The following PSD3 variants were observed in gnomAD, a reference collection of about 807,000 sequenced individuals.
PSD3 encodes the protein PH and SEC7 domain-containing protein 3.
A neutral mutation model predicts 105.5 loss-of-function variants in PSD3; 49 were observed. The ratio of observed to expected loss-of-function variants is 0.46; its 90% CI spans 0.37 to 0.59. The LOEUF is 0.59. Among genes scored for constraint, PSD3 ranks in the 20% least tolerant of loss-of-function variants. PSD3 has a pLI of 0.00. For synonymous variants in PSD3, 557 were observed against 457.8 expected (o/e 1.22, Z -2.77); for missense variants, 1,561 against 1,263.8 (o/e 1.24, Z -3.57).
intron 4 of PSD3, among the ~76,000 whole-genome samples, chr8:18,810,248 G>A (rs1358874010): frequency 3.3e-5 from 5 of 152,062 alleles, no homozygotes; most frequent in Admixed American, 6.6e-5. Context: ...CACAAGGGGC[G>A]GCTGAAGGTA....
intron 1 of PSD3, among the ~76,000 whole-genome samples, chr8:18,939,090 A>G (rs1055367331): frequency 6.6e-6 from 1 of 152,238 alleles, no homozygotes; most frequent in African/African-American, 2.4e-5. Context: ...GATGCCATCT[A>G]TACAGCAAAA....
intron 11 of PSD3, among the ~76,000 whole-genome samples, chr8:18,630,635 T>G (rs937086136): frequency 6.6e-6 from 1 of 151,994 alleles, no homozygotes; most frequent in African/African-American, 2.4e-5. Flanking sequence ...CTTCCCCTTT[T>G]TGACTTTTCT....
chr8:18,900,190 C>T (rs1018993311), intron 2 of PSD3, among the ~76,000 whole-genome samples: 1 of 152,150 alleles, frequency 6.6e-6, no homozygotes, highest in African/African-American at 2.4e-5. Context: ...GCATTACATT[C>T]TCCAAGTTTA....
chr8:18,676,494 CATA>C (rs1800070742), intron 9 of PSD3, among the ~76,000 whole-genome samples: 1 of 152,212 alleles, frequency 6.6e-6, no homozygotes, highest in African/African-American at 2.4e-5. Flanking sequence ...TCTCTGCTCT[CATA>C]ATGTTTAAAT....
At chr8:19,074,770 A>G (rs1453628924) in intron 1 of PSD3, among the ~76,000 whole-genome samples, 2 of 150,320 alleles carry the variant, frequency 1.3e-5, no homozygotes, top group African/African-American at 2.4e-5. Flanking sequence ...ACAAGCGCCC[A>G]CCACCACACC....
chr8:18,860,113 G>A (rs1816327687), intron 4 of PSD3, among the ~76,000 whole-genome samples: 1 of 152,058 alleles, frequency 6.6e-6, no homozygotes, highest in South Asian at 2.1e-4. Context: ...TTATTAACTG[G>A]CATAATCTCA....
At chr8:19,020,866 T>C (rs937493192) in intron 1 of PSD3, among the ~76,000 whole-genome samples, 3 of 152,176 alleles carry the variant, frequency 2.0e-5, no homozygotes, top group Non-Finnish European at 4.4e-5. Context: ...GGGAAGACTG[T>C]GGAAGTAACA....
intron 4 of PSD3, among the ~76,000 whole-genome samples, chr8:18,846,642 C>T (rs1314846489): frequency 1.3e-5 from 2 of 152,130 alleles, no homozygotes; most frequent in African/African-American, 2.4e-5. Flanking sequence ...TTTCAAACAT[C>T]TTGTGGTAAC....
At chr8:18,833,780 AGAAAT>A (rs1032907449) in intron 4 of PSD3, among the ~76,000 whole-genome samples, 13 of 152,370 alleles carry the variant, frequency 8.5e-5, no homozygotes, top group African/African-American at 2.9e-4. Context: ...ATTGAGAAAA[AGAAAT>A]GAAAGAAAAA....
chr8:18,752,491 T>TTG (rs1332851368), intron 9 of PSD3, among the ~76,000 whole-genome samples: 880 of 18,004 alleles, frequency 0.049, 28 homozygotes, highest in African/African-American at 0.1. Flanking sequence ...ATTATATATA[T>TTG]AATATATATA....
chr8:18,671,158 A>G (rs964438306), intron 9 of PSD3, among the ~76,000 whole-genome samples: 20 of 152,240 alleles, frequency 1.3e-4, no homozygotes, highest in African/African-American at 4.8e-4. Context: ...AATAAACTAG[A>G]AAGCTGCAGA....
chr8:18,822,339 A>G (rs977739994), intron 4 of PSD3, among the ~76,000 whole-genome samples: 2 of 152,188 alleles, frequency 1.3e-5, no homozygotes, highest in African/African-American at 4.8e-5. Flanking sequence ...AAAGGACATC[A>G]TTCAGGCATC....
intron 1 of PSD3, among the ~76,000 whole-genome samples, chr8:19,031,089 C>A (rs1827752072): frequency 6.6e-6 from 1 of 152,188 alleles, no homozygotes; most frequent in South Asian, 2.1e-4. Context: ...GCACGATATA[C>A]CACTTCATGC....
chr8:18,873,036 T>C (rs147563997), intron 2 of PSD3, among the ~76,000 whole-genome samples: 278 of 152,110 alleles, frequency 1.8e-3, no homozygotes, highest in South Asian at 0.016. Flanking sequence ...AGTTGCTTCA[T>C]ATGCAAAAAG....
At chr8:18,631,742 T>C (rs557796299) in intron 11 of PSD3, among the ~76,000 whole-genome samples, 73 of 152,096 alleles carry the variant, frequency 4.8e-4, no homozygotes, top group Non-Finnish European at 1.3e-4. Context: ...TTAAGAAATT[T>C]GTTCAGCATT....
At position 18,572,425 on chromosome 8, in the gene PSD3, A is replaced by AAGGG; in HGVS notation, c.2784+102_2784+103insCCCT. 2.1e-6 allele frequency: 3 copies of AAGGG among 1,416,984 alleles called. No homozygotes were observed. The South Asian group carries it at 4.0e-5, about 19-fold the overall frequency. 87.8% of individuals were successfully genotyped at this position (1,416,984 alleles called of 1,614,324 possible). A position where few individuals can be genotyped will look rare whatever the true frequency, so the allele number is the denominator to read the frequency against. On this transcript the variant is annotated intron_variant, in intron 14 of 15. Coordinates refer to ENST00000327040, the MANE Select transcript of PSD3 (RefSeq NM_015310.4). Reference sequence around the variant, plus strand: ...ATACGCTCTCACAGGGCAAGGTCTCACACCTGCCCCCAAAACATGGACTAC... The same window carrying AAGGG: ...ATACGCTCTCACAGGGCAAGGTCTCAAGGGCACCTGCCCCCAAAACATGGACTAC...
chr8:18,898,093 T>C lies in PSD3; in HGVS notation c.131-25360A>G, dbSNP rs545391837. Among the ~76,000 whole-genome samples, 11 of 152,260 alleles carry C rather than the reference T, an allele frequency of 7.2e-5. No homozygotes were observed. In the East Asian group the frequency reaches 1.7e-3, roughly 24 times the overall value. ...ATATACGGCTTTGACTGTGTCGAGG[T>C]ATGTTCCTTCTTACCTAACTTGCTG... On this transcript the variant is annotated intron_variant, in intron 2 of 15. Coordinates refer to ENST00000327040, the MANE Select transcript of PSD3 (RefSeq NM_015310.4).
intron 1 of PSD3, among the ~76,000 whole-genome samples, chr8:19,010,297 C>G (rs1370655432): frequency 6.6e-6 from 1 of 152,182 alleles, no homozygotes; most frequent in Non-Finnish European, 1.5e-5. Flanking sequence ...GATGTGTCAA[C>G]AAAGTCCCTC....
At chr8:19,061,720 G>A (rs1159736251) in intron 1 of PSD3, among the ~76,000 whole-genome samples, 4 of 151,476 alleles carry the variant, frequency 2.6e-5, no homozygotes, top group Admixed American at 1.3e-4. Context: ...CAGGAGAATC[G>A]CTTGACCCCA....
Sources: allele counts gnomAD v4.1 joint callset (sites outside exome capture counted in the v4.1 genomes callset), GRCh38; gene constraint gnomAD v4.1.1; transcripts MANE v1.5; gene names NCBI Gene and HGNC (gene_info 2026-07-23, HGNC 2026-07-21).